LRRC37A: variants seen among roughly 807,000 people sequenced by gnomAD.
LRRC37A encodes the protein leucine-rich repeat-containing protein 37A.
LRRC37A carries 3 observed loss-of-function variants against 35.4 expected under a neutral mutation model. That is an observed-to-expected ratio of 0.08 (90% CI 0.04 to 0.22). LRRC37A has a LOEUF of 0.22. LRRC37A is among the 10% of genes least tolerant of loss of function. The pLI, the probability that LRRC37A is intolerant of heterozygous loss-of-function variation, is 1.00. For synonymous variants in LRRC37A, 23 were observed against 215.0 expected (o/e 0.11, Z 7.81); for missense variants, 67 against 565.3 (o/e 0.12, Z 8.94).
the LRRC37A span, chr17:46,267,206 T>C: frequency 1.6e-6 from 1 of 642,894 alleles, no homozygotes; most frequent in Non-Finnish European, 2.6e-6. Flanking sequence ...TCCCGGAGAA[T>C]CCTGCACGCG....
chr17:46,324,544 C>A (rs1396482133), intron 7 of LRRC37A, among the ~76,000 whole-genome samples: 6 of 69,876 alleles, frequency 8.6e-5, no homozygotes, highest in African/African-American at 1.8e-4. Context: ...GAAATGAGGT[C>A]TCAGTATGTT....
intron 10 of LRRC37A, chr17:46,334,904 C>T (rs1204609665): frequency 7.8e-6 from 1 of 128,654 alleles, no homozygotes; most frequent in Non-Finnish European, 1.7e-5. Flanking sequence ...CAACTGTCAA[C>T]AATGTACAAT....
chr17:46,257,100 T>C, the LRRC37A span, among the ~76,000 whole-genome samples: 4 of 152,158 alleles, frequency 2.6e-5, no homozygotes, highest in Non-Finnish European at 5.9e-5. Context: ...CCTCAGTTAC[T>C]CATCTGTAAA....
Position 46,317,124 on chromosome 17 carries a change from G to A in LRRC37A, c.2907-5198G>A, listed in dbSNP as rs2051181183. Among the ~76,000 whole-genome samples, 2 of 88,526 alleles carry A rather than the reference G, an allele frequency of 2.3e-5. 1 individual carries two copies. 58.1% of individuals were successfully genotyped at this position (88,526 alleles called of 152,430 possible). The stretch of plus-strand genomic sequence containing the variant: ...CATGGCCCGTTCTCAATGAGCTGTT[G>A]GGTACACCTCCCAGATGGGGTGGCG... On this transcript the variant is annotated intron_variant, in intron 5 of 13. Transcript: ENST00000320254.
upstream of LRRC37A, among the ~76,000 whole-genome samples, chr17:46,291,969 CAAAAA>C (rs59554870): frequency 1.0e-4 from 6 of 58,088 alleles, no homozygotes; most frequent in African/African-American, 3.6e-4. Context: ...TCTCAAAAAG[CAAAAA>C]AAAAAAAAAA....
At chr17:46,306,037 T>G in intron 4 of LRRC37A, among the ~76,000 whole-genome samples, 192 bp from the exon 5 acceptor site, 1 of 81,962 alleles carries the variant, frequency 1.2e-5, no homozygotes, top group Admixed American at 1.2e-4. Flanking sequence ...CATTCACTGT[T>G]TTGTATCTAA....
At chr17:46,252,802 C>T in the LRRC37A span, among the ~76,000 whole-genome samples, 5 of 151,662 alleles carry the variant, frequency 3.3e-5, no homozygotes, top group African/African-American at 7.3e-5. Context: ...AACCATCCGA[C>T]TTCTCAGTCC....
At chr17:46,290,446 G>A (rs1187227247), upstream of LRRC37A, among the ~76,000 whole-genome samples, 2 of 152,206 alleles carry the variant, frequency 1.3e-5, no homozygotes, top group Non-Finnish European at 2.9e-5. Flanking sequence ...GATAATTTAA[G>A]TGAATCTCTG....
the LRRC37A span, among the ~76,000 whole-genome samples, chr17:46,249,501 CTCTT>C: frequency 1.3e-5 from 2 of 152,338 alleles, no homozygotes; most frequent in East Asian, 1.9e-4. Flanking sequence ...CGGAAACACA[CTCTT>C]TCTATGCTTC....
the LRRC37A span, among the ~76,000 whole-genome samples, chr17:46,278,259 T>A: frequency 6.6e-6 from 1 of 152,224 alleles, no homozygotes; most frequent in Non-Finnish European, 1.5e-5. Context: ...GTAGCTTTCT[T>A]ATACTGCTCT....
chr17:46,292,813 G>A (rs1162717536), upstream of LRRC37A: 3 of 79,748 alleles, frequency 3.8e-5, 1 homozygote, highest in Non-Finnish European at 7.6e-5. Flanking sequence ...ATATTTTGCC[G>A]AAGATCTTTC....
the LRRC37A span, among the ~76,000 whole-genome samples, chr17:46,253,086 G>A: frequency 2.0e-5 from 3 of 147,480 alleles, 1 homozygote; most frequent in Non-Finnish European, 4.6e-5. Context: ...CGGTTGCCGG[G>A]CGGAGGGTCT....
At chr17:46,261,889 C>G in the LRRC37A span, among the ~76,000 whole-genome samples, 1 of 152,066 alleles carries the variant, frequency 6.6e-6, no homozygotes, top group African/African-American at 2.4e-5. Flanking sequence ...AAATATTTTC[C>G]CCTTAAAAAT....
upstream of LRRC37A, among the ~76,000 whole-genome samples, chr17:46,289,560 G>C (rs192087191): frequency 2.6e-5 from 4 of 152,196 alleles, no homozygotes; most frequent in East Asian, 5.8e-4. Flanking sequence ...GGCTGGTCTC[G>C]AACTCCTGAC....
the LRRC37A span, among the ~76,000 whole-genome samples, chr17:46,256,059 C>T: frequency 6.6e-6 from 1 of 152,134 alleles, no homozygotes; most frequent in African/African-American, 2.4e-5. Context: ...ATTAGGCTGA[C>T]AGTGCCCCAT....
rs373316670 is a variant in LRRC37A, at chr17:46,312,705, G to C, written c.2906+6396G>C. On this transcript the variant is annotated intron_variant, in intron 5 of 13. Coordinates refer to ENST00000320254, the Ensembl canonical transcript of LRRC37A. ...ACAGAGCCCACCAGTGGTCTTACAA[G>C]TTTTCATGCCAAAAAAAAATCACGA... Among the ~76,000 whole-genome samples, 86 of 69,556 alleles carry C rather than the reference G, an allele frequency of 1.2e-3. 2 individuals are homozygous for C. The highest frequency in any genetic ancestry group is 7.4e-3 in the Middle Eastern group (1 of 136). The allele number at this position is 69,556 out of a possible 152,430, so 45.6% of individuals were successfully genotyped here.
At position 46,321,914 on chromosome 17, in the gene LRRC37A, CAAAA is replaced by C. The variant is rs1263117066; in HGVS notation, c.2907-389_2907-386del. Among the ~76,000 whole-genome samples, 8 of 10,998 alleles carry C rather than the reference CAAAA, an allele frequency of 7.3e-4. 3 individuals carry two copies. The South Asian group carries it at 0.036, about 50-fold the overall frequency. The allele number at this position is 10,998 out of a possible 152,430, so 7.2% of individuals were successfully genotyped here. ...GGGCAACAAGAGCGAGACTCCATCT[CAAAA>C]AAAAAAAAAAAAAAAAAATAGATGA... On this transcript the variant is annotated intron_variant, in intron 5 of 13. Coordinates refer to ENST00000320254, the Ensembl canonical transcript of LRRC37A.
the LRRC37A span, among the ~76,000 whole-genome samples, chr17:46,261,043 C>T: frequency 1.3e-5 from 2 of 152,010 alleles, no homozygotes; most frequent in African/African-American, 4.8e-5. Context: ...ACACAGTGGA[C>T]TTTGGGGAAT....
the LRRC37A span, among the ~76,000 whole-genome samples, chr17:46,258,164 C>T: frequency 3.8e-4 from 58 of 152,302 alleles, no homozygotes; most frequent in Non-Finnish European, 7.4e-4. Context: ...AGAGAGAGAA[C>T]ACACACAGCC....
Sources: gnomAD v4.1 joint callset for allele counts (sites outside exome capture counted in the v4.1 genomes callset) on GRCh38, gnomAD v4.1.1 for gene constraint, MANE v1.5 for transcripts, NCBI Gene and HGNC (gene_info 2026-07-23, HGNC 2026-07-21) for gene names.